The following TNKS variants were observed in gnomAD, a reference collection of about 807,000 sequenced individuals.
TNKS encodes tankyrase.
TNKS carries 72 observed loss-of-function variants against 135.8 expected under a neutral mutation model. That is an observed-to-expected ratio of 0.53 (90% confidence interval 0.44 to 0.64). TNKS has a LOEUF of 0.64. TNKS is among the 30% of genes least tolerant of loss of function. TNKS has a pLI of 0.00. For missense variants in TNKS, 1,769 were observed against 1,674.0 expected (o/e 1.06, Z -0.99); for synonymous variants, 849 against 649.3 (o/e 1.31, Z -4.68).
chr8:9,602,000 G>C (rs1397303441), intron 2 of TNKS, among the ~76,000 whole-genome samples: 1 of 152,072 alleles, frequency 6.6e-6, no homozygotes, highest in Non-Finnish European at 1.5e-5. Context: ...AAGAGTAGAC[G>C]TTCTCAAGCA....
At chr8:9,603,833 C>G (rs1294686987) in intron 2 of TNKS, among the ~76,000 whole-genome samples, 2 of 151,886 alleles carry the variant, frequency 1.3e-5, no homozygotes, top group Non-Finnish European at 2.9e-5. Context: ...TAAGAGAGAA[C>G]AGAACTCATC....
intron 3 of TNKS, among the ~76,000 whole-genome samples, chr8:9,650,473 A>C (rs941104594): frequency 6.6e-6 from 1 of 152,138 alleles, no homozygotes; most frequent in African/African-American, 2.4e-5. Context: ...TATCCACACC[A>C]ACATCTGTTA....
At chr8:9,652,115 T>C (rs1385589538) in intron 3 of TNKS, among the ~76,000 whole-genome samples, 1 of 152,234 alleles carries the variant, frequency 6.6e-6, no homozygotes, top group Non-Finnish European at 1.5e-5. Flanking sequence ...TACTGACATA[T>C]GGATATACTT....
chr8:9,749,582 C>G (rs1806411946), intron 18 of TNKS, among the ~76,000 whole-genome samples: 1 of 151,786 alleles, frequency 6.6e-6, no homozygotes, highest in Non-Finnish European at 1.5e-5. Flanking sequence ...TCAAGCCATC[C>G]TCGTATCTCA....
At chr8:9,773,601 T>TTAAG (rs1431239525) in intron 26 of TNKS, among the ~76,000 whole-genome samples, 2 of 152,152 alleles carry the variant, frequency 1.3e-5, no homozygotes, top group Admixed American at 6.5e-5. Flanking sequence ...GAAGATAAGT[T>TTAAG]TAAGTTTACT....
intron 3 of TNKS, among the ~76,000 whole-genome samples, chr8:9,645,176 A>T (rs1800875259): frequency 6.6e-6 from 1 of 151,676 alleles, no homozygotes. Context: ...AGGACGGGTA[A>T]GCAGAAGGAT....
chr8:9,605,979 G>A (rs1212082725), intron 2 of TNKS, among the ~76,000 whole-genome samples: 2 of 151,652 alleles, frequency 1.3e-5, no homozygotes, highest in Non-Finnish European at 2.9e-5. Flanking sequence ...TTCTTTTAAG[G>A]CTTAGTTTCT....
At position 9,634,060 on chromosome 8, in the gene TNKS, A is replaced by G. The variant is rs908025130; in HGVS notation, c.994+18383A>G. 3.9e-4 allele frequency among the ~76,000 whole-genome samples: 56 copies of G among 145,420 alleles called. 1 individual carries two copies. Among genetic ancestry groups the G allele is most frequent in the African/African-American group, 1.2e-3 (48 of 39,142 alleles). Reference sequence around the variant, plus strand: ...TACTAATACACTATAGGAATTAAGGAAAAAAAACTCATTTAACTGCATATA... The same window carrying G: ...TACTAATACACTATAGGAATTAAGGGAAAAAAACTCATTTAACTGCATATA... On this transcript the variant is annotated intron_variant, in intron 3 of 26. Coordinates refer to ENST00000310430, the MANE Select transcript of TNKS (RefSeq NM_003747.3).
intron 18 of TNKS, among the ~76,000 whole-genome samples, chr8:9,750,379 T>A (rs982086800): frequency 6.6e-6 from 1 of 152,198 alleles, no homozygotes; most frequent in African/African-American, 2.4e-5. Context: ...TTCCTTTCTC[T>A]CTTCCTGTAC....
At chr8:9,706,105 T>C (rs1804031751) in intron 6 of TNKS, 82 bp from the exon 7 acceptor site, 3 of 862,842 alleles carry the variant, frequency 3.5e-6, no homozygotes, top group South Asian at 2.0e-5. Flanking sequence ...TATTGGGATT[T>C]ATTGGATTTT....
intron 3 of TNKS, among the ~76,000 whole-genome samples, chr8:9,665,898 T>C (rs1202233836): frequency 1.3e-5 from 2 of 152,208 alleles, no homozygotes; most frequent in Admixed American, 6.5e-5. Context: ...ATATTTTTAT[T>C]GGATCCTTTT....
chr8:9,773,115 G>T (rs996997800), intron 26 of TNKS, among the ~76,000 whole-genome samples: 1 of 151,714 alleles, frequency 6.6e-6, no homozygotes, highest in African/African-American at 2.4e-5. Context: ...TTCTAGAAAA[G>T]AAGCTTTTTT....
At chr8:9,735,623 A>C in intron 17 of TNKS, 137 bp downstream of exon 17, 2 of 651,014 alleles carry the variant, frequency 3.1e-6, no homozygotes, top group Non-Finnish European at 5.4e-6. Context: ...ACACGGTGAA[A>C]CCCCGTCTCT....
At position 9,585,854 on chromosome 8, in the gene TNKS, A is replaced by T. The variant is rs140602264; in HGVS notation, c.898+5471A>T. Among the ~76,000 whole-genome samples the T allele has an allele frequency of 3.1e-3, 474 of 152,270 alleles. 2 individuals are homozygous for T. The highest frequency in any genetic ancestry group is 6.1e-3 in the Admixed American group (94 of 15,298). On this transcript the variant is annotated intron_variant, in intron 2 of 26. Transcript: ENST00000310430. ...TTCAAGCTGCTCTTTAAAATCTAAC[A>T]ATTAGGACTTAAAAAAAATAACTGT...
At chr8:9,745,485 A>ATCTCCGTCT (rs1806186684) in intron 17 of TNKS, among the ~76,000 whole-genome samples, 1 of 152,064 alleles carries the variant, frequency 6.6e-6, no homozygotes, top group Admixed American at 6.6e-5. Flanking sequence ...ACTCACTGCA[A>ATCTCCGTCT]TCTCCGTCTC....
intron 26 of TNKS, among the ~76,000 whole-genome samples, chr8:9,771,139 G>A (rs527736745): frequency 2.7e-5 from 4 of 147,834 alleles, no homozygotes; most frequent in Admixed American, 1.4e-4. Context: ...AGGGAGGGAA[G>A]GAGAGAGAGA....
At chr8:9,749,894 G>A (rs1029156383) in intron 18 of TNKS, among the ~76,000 whole-genome samples, 5 of 152,038 alleles carry the variant, frequency 3.3e-5, no homozygotes, top group Non-Finnish European at 7.4e-5. Flanking sequence ...AGAAATTTTC[G>A]GGACCCTGAG....
intron 11 of TNKS, among the ~76,000 whole-genome samples, chr8:9,713,758 T>C (rs1182842911): frequency 2.0e-5 from 3 of 152,250 alleles, no homozygotes; most frequent in African/African-American, 7.2e-5. Context: ...GGCAGGATGC[T>C]GTTCCTCATG....
At chr8:9,717,744 T>C (rs994012278) in intron 11 of TNKS, among the ~76,000 whole-genome samples, 2 of 152,152 alleles carry the variant, frequency 1.3e-5, no homozygotes, top group African/African-American at 2.4e-5. Context: ...TCTAATTGTC[T>C]AACACAGTCT....
Sources: gnomAD v4.1 joint callset for allele counts (sites outside exome capture counted in the v4.1 genomes callset) on GRCh38, gnomAD v4.1.1 for gene constraint, MANE v1.5 for transcripts, NCBI Gene and HGNC (gene_info 2026-07-23, HGNC 2026-07-21) for gene names.